Variants in ATP6V0A1 observed in about 807,000 individuals in gnomAD.
The protein encoded by ATP6V0A1 is ATPase H+ transporting V0 subunit a1.
Under a neutral mutation model 105.4 loss-of-function variants are expected in ATP6V0A1, and 43 were observed. That is an observed-to-expected ratio of 0.41 (90% CI 0.32 to 0.53). The LOEUF is 0.53. ATP6V0A1 is among the 20% of genes least tolerant of loss of function. The pLI, the probability that ATP6V0A1 is intolerant of heterozygous loss-of-function variation, is 0.30. For missense variants in ATP6V0A1, 676 were observed against 1,051.1 expected (o/e 0.64, Z 4.93); for synonymous variants, 362 against 372.8 (o/e 0.97, Z 0.33).
intron 11 of ATP6V0A1, among the ~76,000 whole-genome samples, chr17:42,492,783 A>T (rs909988396): frequency 6.6e-6 from 1 of 150,668 alleles, no homozygotes; most frequent in African/African-American, 2.4e-5. Context: ...TGTGGGGACA[A>T]GGTGGAAGGA....
In ATP6V0A1 at chr17:42,466,009, T is replaced by C. The variant is rs368242790; in HGVS notation, c.118-420T>C. Among the ~76,000 whole-genome samples the C allele has an allele frequency of 1.8e-4, 27 of 152,254 alleles. No individual in the cohort carries two copies. In the South Asian group the frequency reaches 4.8e-3, roughly 27 times the overall value. On this transcript the variant is annotated intron_variant, in intron 2 of 21. Transcript: ENST00000343619. ...ACTTGTGGTGTATGAATGAATAAAC[T>C]AAAGCCTGTCACTGAGAAGGTGAAG...
chr17:42,500,074 CAAAAAAA>C (rs199733869), intron 15 of ATP6V0A1, among the ~76,000 whole-genome samples: 7 of 61,074 alleles, frequency 1.1e-4, no homozygotes, highest in Admixed American at 5.4e-4. Flanking sequence ...CCCATCTCTA[CAAAAAAA>C]AAAAAAAAAA....
intron 16 of ATP6V0A1, 135 bp downstream of exon 16, chr17:42,501,058 T>G: frequency 2.5e-6 from 3 of 1,188,054 alleles, no homozygotes; most frequent in Non-Finnish European, 3.6e-6. Context: ...ATGTGATAAT[T>G]ATTTTGAGAA....
chr17:42,474,732 T>C (rs2088500804), intron 5 of ATP6V0A1, among the ~76,000 whole-genome samples: 1 of 152,240 alleles, frequency 6.6e-6, no homozygotes, highest in Non-Finnish European at 1.5e-5. Context: ...AACCCCTTAT[T>C]TTGTGTAATT....
At chr17:42,460,637 G>A (rs750565036) in intron 1 of ATP6V0A1, among the ~76,000 whole-genome samples, 4 of 152,212 alleles carry the variant, frequency 2.6e-5, no homozygotes, top group Non-Finnish European at 5.9e-5. Flanking sequence ...TGGAATGGAA[G>A]TGACTTTTCA....
intron 4 of ATP6V0A1, 116 bp downstream of exon 4, chr17:42,468,223 A>C: frequency 3.5e-6 from 2 of 565,200 alleles, no homozygotes; most frequent in South Asian, 5.3e-5. Flanking sequence ...TTATCTACTG[A>C]TTGTAAGTTT....
At chr17:42,512,706 G>A (rs986530004) in intron 19 of ATP6V0A1, among the ~76,000 whole-genome samples, 1 of 152,226 alleles carries the variant, frequency 6.6e-6, no homozygotes, top group Non-Finnish European at 1.5e-5. Flanking sequence ...TACCAGCCAA[G>A]CCACTTTCTC....
intron 21 of ATP6V0A1, 27 bp downstream of exon 21, chr17:42,514,487 A>T (rs201004090): frequency 7.1e-6 from 11 of 1,551,920 alleles, no homozygotes; most frequent in Admixed American, 3.9e-5. Flanking sequence ...CAGGGCGGGC[A>T]TGGGGGTGGA....
At chr17:42,504,835 A>AG (rs1261480312) in intron 17 of ATP6V0A1, among the ~76,000 whole-genome samples, 1 of 152,154 alleles carries the variant, frequency 6.6e-6, no homozygotes, top group African/African-American at 2.4e-5. Flanking sequence ...CCTCCTCTTC[A>AG]GGGGGCATTG....
At chr17:42,493,838 C>A (rs2090901028) in intron 11 of ATP6V0A1, among the ~76,000 whole-genome samples, 1 of 152,068 alleles carries the variant, frequency 6.6e-6, no homozygotes, top group African/African-American at 2.4e-5. Context: ...TTATCAGTAG[C>A]TCAAATTTCA....
chr17:42,498,200 C>T (rs1424437857), intron 14 of ATP6V0A1, among the ~76,000 whole-genome samples: 1 of 152,082 alleles, frequency 6.6e-6, no homozygotes, highest in African/African-American at 2.4e-5. Context: ...ATGAACACTG[C>T]ACTCCATCCT....
chr17:42,468,304 C>T (rs1281037832), intron 4 of ATP6V0A1, among the ~76,000 whole-genome samples, 197 bp downstream of exon 4: 1 of 152,126 alleles, frequency 6.6e-6, no homozygotes, highest in Non-Finnish European at 1.5e-5. Context: ...TTGGTATATA[C>T]ATAGAATGTG....
In ATP6V0A1 at chr17:42,513,906, G is replaced by A. The variant is rs767962651; in HGVS notation, c.2176G>A (p.Glu726Lys). ...TMVHQAIHTI[E>K]YCLGCISNTA... The stretch of plus-strand genomic sequence containing the variant: ...GGTCCACCAGGCCATCCACACCATC[G>A]AGTACTGCCTGGGCTGCATCTCCAA... Residue 726 changes from glutamate (E) to lysine (K), a missense_variant, in exon 20 of 22, where the codon GAG (glutamate) becomes AAG (lysine). Coordinates refer to ENST00000343619, the MANE Select transcript of ATP6V0A1 (RefSeq NM_001130021.3). 1.2e-6 allele frequency: 2 copies of A among 1,614,164 alleles called. No homozygotes were observed. The highest frequency in any genetic ancestry group is 1.7e-6 in the Non-Finnish European group (2 of 1,180,028).
intron 17 of ATP6V0A1, among the ~76,000 whole-genome samples, chr17:42,505,290 C>A (rs1006619559): frequency 6.6e-6 from 1 of 152,212 alleles, no homozygotes; most frequent in Non-Finnish European, 1.5e-5. Context: ...ACTACAACCT[C>A]CGCCTCCCCA....
At chr17:42,493,593 C>T (rs2090875109) in intron 11 of ATP6V0A1, among the ~76,000 whole-genome samples, 1 of 151,970 alleles carries the variant, frequency 6.6e-6, no homozygotes, top group Non-Finnish European at 1.5e-5. Context: ...GCCACAAGTT[C>T]AGGACTAGCT....
At chr17:42,501,071 T>C in intron 16 of ATP6V0A1, 126 bp from the exon 17 acceptor site, 6 of 1,157,426 alleles carry the variant, frequency 5.2e-6, no homozygotes, top group Non-Finnish European at 7.5e-6. Flanking sequence ...TTTGAGAAAT[T>C]GGATAGTGTT....
intron 6 of ATP6V0A1, among the ~76,000 whole-genome samples, chr17:42,478,010 A>G (rs2088971258): frequency 1.3e-5 from 2 of 152,114 alleles, no homozygotes; most frequent in Non-Finnish European, 2.9e-5. Context: ...GCACATATAC[A>G]CAATGGAATA....
rs532119040 is a variant in ATP6V0A1, at chr17:42,478,562, C to T, written c.606C>T (p.Ile202=). ...RGNVFLRQAE[I]ENPLEDPVTG... is the part of the protein sequence containing the mutation. The stretch of plus-strand genomic sequence containing the variant: ...ATGTGTTCCTGCGACAGGCTGAAAT[C>T]GAGAACCCCCTGGAGGATCCTGTGA... The change falls in exon 7 of 22, where the codon ATC becomes ATT. Residue 202 remains isoleucine, a synonymous_variant. Coordinates refer to ENST00000343619, the MANE Select transcript of ATP6V0A1 (RefSeq NM_001130021.3). The T allele has an allele frequency of 1.1e-4, 173 of 1,600,536 alleles. 1 individual carries two copies. The East Asian group carries it at 1.6e-3, about 15-fold the overall frequency.
At chr17:42,508,493 ATTCAGTAGCC>A in intron 18 of ATP6V0A1, 69 bp from the exon 19 acceptor site, 1 of 1,578,694 alleles carries the variant, frequency 6.3e-7, no homozygotes, top group South Asian at 1.1e-5. Context: ...CCCAAGAAGC[ATTCAGTAGCC>A]TTGTGCTCCT....
Sources: allele counts gnomAD v4.1 joint callset (sites outside exome capture counted in the v4.1 genomes callset), GRCh38; gene constraint gnomAD v4.1.1; transcripts MANE v1.5; gene names NCBI Gene and HGNC (gene_info 2026-07-23, HGNC 2026-07-21).